RAB8A: variants seen among roughly 807,000 people sequenced by gnomAD.
RAB8A encodes RAB8A, member RAS oncogene family.
RAB8A carries 5 observed loss-of-function variants against 29.2 expected under a neutral mutation model. That is an observed-to-expected ratio of 0.17 (90% CI 0.09 to 0.36). RAB8A has a LOEUF of 0.36. Ranked by LOEUF, RAB8A falls within the 10% of genes least tolerant of loss-of-function variation. RAB8A has a pLI of 1.00. For missense variants in RAB8A, 171 were observed against 272.2 expected (o/e 0.63, Z 2.62); for synonymous variants, 108 against 99.9 (o/e 1.08, Z -0.49).
Position 16,132,544 on chromosome 19 carries a change from G to A in RAB8A, c.*240G>A, listed in dbSNP as rs568968727. The A allele has an allele frequency of 1.0e-4, 54 of 528,322 alleles. No individual in the cohort carries two copies. The highest frequency in any genetic ancestry group is 9.6e-5 in the African/African-American group (5 of 51,930). 32.7% of individuals were successfully genotyped at this position (528,322 alleles called of 1,614,324 possible). A position where few individuals can be genotyped will look rare whatever the true frequency, so the allele number is the denominator to read the frequency against. On this transcript the variant is annotated 3_prime_UTR_variant, in exon 8 of 8. Coordinates refer to ENST00000300935, the MANE Select transcript of RAB8A (RefSeq NM_005370.5). The surrounding 1 kb of genome is among the most constrained non-coding windows in gnomAD (Gnocchi z 5.6). Reference sequence around the variant, plus strand: ...ATTTTTCCTGTAACATCTGCTGAACGGGCCCACCCACACGTTGTATATTCA... The same window carrying A: ...ATTTTTCCTGTAACATCTGCTGAACAGGCCCACCCACACGTTGTATATTCA...
chr19:16,131,747 G>A (rs1171546748), intron 7 of RAB8A, among the ~76,000 whole-genome samples: 1 of 151,416 alleles, frequency 6.6e-6, no homozygotes, highest in East Asian at 1.9e-4. Flanking sequence ...TTGGTTGGAA[G>A]GGATGGATGG....
chr19:16,119,981 T>C (rs2090866635), intron 2 of RAB8A, among the ~76,000 whole-genome samples: 1 of 151,246 alleles, frequency 6.6e-6, no homozygotes, highest in South Asian at 2.1e-4. Flanking sequence ...GCTCGGCTAA[T>C]TTTGTATTTT....
Position 16,121,939 on chromosome 19 carries a change from C to G in RAB8A, c.246+129C>G. The G allele has an allele frequency of 9.4e-6, 8 of 855,366 alleles. No individual in the cohort carries two copies. The South Asian group carries it at 9.5e-5, about 10-fold the overall frequency. The allele number at this position is 855,366 out of a possible 1,614,324, so 53.0% of individuals were successfully genotyped here. On this transcript the variant is annotated intron_variant, in intron 3 of 7. Coordinates refer to ENST00000300935, the MANE Select transcript of RAB8A (RefSeq NM_005370.5). Reference sequence around the variant, plus strand: ...CCCCAACTCCTCAGGGCTCCTTGGTCCCAAGTTAGTCTTAGGAACAGGCTT... The same window carrying G: ...CCCCAACTCCTCAGGGCTCCTTGGTGCCAAGTTAGTCTTAGGAACAGGCTT...
intron 1 of RAB8A, among the ~76,000 whole-genome samples, chr19:16,114,255 G>A (rs895711429): frequency 6.6e-5 from 10 of 151,812 alleles, no homozygotes; most frequent in East Asian, 3.9e-4. Flanking sequence ...GCAACAGAGC[G>A]AGACCCTGTC....
rs889994849 is a variant in RAB8A, at chr19:16,120,456, G to A, written c.186-1294G>A. On this transcript the variant is annotated intron_variant, in intron 2 of 7. Transcript: ENST00000300935. ...GCTTCCCGAGTAGCTGGGATTACAG[G>A]CACCTGCCACCATGCCTGGCTAACT... Among the ~76,000 whole-genome samples the A allele has an allele frequency of 1.3e-4, 19 of 151,306 alleles. 1 individual carries two copies. The highest frequency in any genetic ancestry group is 4.1e-4 in the African/African-American group (17 of 41,170).
intron 1 of RAB8A, among the ~76,000 whole-genome samples, chr19:16,115,152 G>C (rs538104282): frequency 1.2e-3 from 178 of 151,254 alleles, no homozygotes; most frequent in African/African-American, 4.2e-3. Context: ...GCCATACGTG[G>C]TGGCGCTTGC....
In RAB8A at chr19:16,125,128, G is replaced by C. The variant is rs921158419; in HGVS notation, c.247-342G>C. 7 of 407,612 alleles carry C rather than the reference G, an allele frequency of 1.7e-5. No homozygotes were observed. The highest frequency in any genetic ancestry group is 1.4e-4 in the African/African-American group (7 of 49,640). The allele number at this position is 407,612 out of a possible 1,614,324, so 25.2% of individuals were successfully genotyped here. On this transcript the variant is annotated intron_variant, in intron 3 of 7. Coordinates refer to ENST00000300935, the MANE Select transcript of RAB8A (RefSeq NM_005370.5). This position sits in a 1 kb window ranked among gnomAD's most constrained non-coding sequence, Gnocchi z 5.0. The stretch of plus-strand genomic sequence containing the variant: ...GCTGCTGGCAGTGGGCCTGTGGACC[G>C]GCTCCCACCGTCAGGCTGCACCACC...
chr19:16,126,331 C>T (rs1299220318), intron 4 of RAB8A: 1 of 153,424 alleles, frequency 6.5e-6, no homozygotes, highest in Non-Finnish European at 1.5e-5. Context: ...CAGTGCAGGG[C>T]TGCACCCCAG....
intron 2 of RAB8A, among the ~76,000 whole-genome samples, chr19:16,120,029 C>T (rs1411767893): frequency 6.6e-6 from 1 of 151,904 alleles, no homozygotes; most frequent in Admixed American, 6.6e-5. Context: ...GCCAGGTTGG[C>T]TTCGAACCCC....
rs1320432336 is a variant in RAB8A at position 16,132,514 on chromosome 19, T to C, written c.*210T>C. ...TTTGGAGATGGAATAAGTTAAAAAT[T>C]TGCTATTTTTCCTGTAACATCTGCT... On this transcript the variant is annotated 3_prime_UTR_variant, in exon 8 of 8. Transcript: ENST00000300935. The surrounding 1 kb of genome is among the most constrained non-coding windows in gnomAD (Gnocchi z 5.6). The C allele has an allele frequency of 1.7e-6, 1 of 584,114 alleles. No homozygotes were observed. Among genetic ancestry groups the C allele is most frequent in the Non-Finnish European group, 3.0e-6 (1 of 328,372 alleles). The allele number at this position is 584,114 out of a possible 1,614,324, so 36.2% of individuals were successfully genotyped here. A position where few individuals can be genotyped will look rare whatever the true frequency, so the allele number is the denominator to read the frequency against.
At chr19:16,120,499 C>A (rs2090869777) in intron 2 of RAB8A, among the ~76,000 whole-genome samples, 1 of 151,114 alleles carries the variant, frequency 6.6e-6, no homozygotes, top group Non-Finnish European at 1.5e-5. Context: ...TTTTAGTAGA[C>A]AGGGTTTCAC....
chr19:16,112,406 A>G (rs2090828577), intron 1 of RAB8A: 1 of 223,476 alleles, frequency 4.5e-6, no homozygotes, highest in Admixed American at 5.1e-5. Flanking sequence ...GCCATGGGAA[A>G]AAGACAGTGG....
In RAB8A at chr19:16,127,968, C is replaced by T; in HGVS notation, c.415-58C>T. ...CCCTGCCTTCAGCTCCTGTTTTAGG[C>T]AAGCTCAGATGCGCCCGGCGGCTGG... On this transcript the variant is annotated intron_variant, in intron 5 of 7. Transcript: ENST00000300935. This position sits in a 1 kb window ranked among gnomAD's most constrained non-coding sequence, Gnocchi z 4.8. 1 of 1,578,320 alleles carries T rather than the reference C, an allele frequency of 6.3e-7. No homozygotes were observed.
chr19:16,112,854 C>G (rs533323826), intron 1 of RAB8A: 1 of 152,364 alleles, frequency 6.6e-6, no homozygotes, highest in East Asian at 1.9e-4. Context: ...CCCTGCCCAC[C>G]TTTCATCCTG....
At chr19:16,118,017 G>T (rs1054087302) in intron 1 of RAB8A, among the ~76,000 whole-genome samples, 1 of 152,148 alleles carries the variant, frequency 6.6e-6, no homozygotes, top group African/African-American at 2.4e-5. Context: ...CCCTGGGTTT[G>T]CTCTGCACTG....
intron 3 of RAB8A, chr19:16,124,983 G>A: frequency 5.3e-3 from 904 of 170,850 alleles, no homozygotes; most frequent in South Asian, 0.032. Context: ...GAAGTTGTGT[G>A]GATGTCGGGT....
rs750633622 is a variant in RAB8A, at chr19:16,125,621, A to G, written c.324+74A>G. On this transcript the variant is annotated intron_variant, in intron 4 of 7. Transcript: ENST00000300935. This position sits in a 1 kb window ranked among gnomAD's most constrained non-coding sequence, Gnocchi z 5.0. Reference sequence around the variant, plus strand: ...AGAGCCCTCTGGTTTACTCATGAGAAGGCCAAGGTGCAGAGACACATACAG... The same window carrying G: ...AGAGCCCTCTGGTTTACTCATGAGAGGGCCAAGGTGCAGAGACACATACAG... 1 of 1,410,134 alleles carries G rather than the reference A, an allele frequency of 7.1e-7. No homozygotes were observed. Among genetic ancestry groups the G allele is most frequent in the Non-Finnish European group, 9.9e-7 (1 of 1,009,496 alleles). The allele number at this position is 1,410,134 out of a possible 1,614,324, so 87.4% of individuals were successfully genotyped here. A position where few individuals can be genotyped will look rare whatever the true frequency, so the allele number is the denominator to read the frequency against.
chr19:16,117,499 AAAG>A (rs1159264324), intron 1 of RAB8A, among the ~76,000 whole-genome samples: 1 of 151,832 alleles, frequency 6.6e-6, no homozygotes, highest in Non-Finnish European at 1.5e-5. Flanking sequence ...AAAAAAAAAA[AAAG>A]AAAGTAAGTT....
At position 16,127,452 on chromosome 19, in the gene RAB8A, G is replaced by T; in HGVS notation, c.340G>T (p.Val114Phe). 2 of 1,519,532 alleles carry T rather than the reference G, an allele frequency of 1.3e-6. No homozygotes were observed. Among genetic ancestry groups the T allele is most frequent in the South Asian group, 1.3e-5 (1 of 74,526 alleles). The allele number at this position is 1,519,532 out of a possible 1,614,324, so 94.1% of individuals were successfully genotyped here. Residue 114 changes from valine to phenylalanine, a missense_variant, in exon 5 of 8, where the codon GTC (valine) becomes TTC (phenylalanine). This residue lies in a region of RAB8A where 145 missense variants were observed against 212.8 expected (regional missense o/e 0.68). Transcript: ENST00000300935. The surrounding 1 kb of genome is among the most constrained non-coding windows in gnomAD (Gnocchi z 4.8). ...TCCCTCTCAGCACGCCTCTGCAGAC[G>T]TCGAAAAGATGATACTCGGGAACAA... Reference protein sequence around the residue: ...RNIEEHASADVEKMILGNKCD... With the variant: ...RNIEEHASADFEKMILGNKCD...
Sources: allele counts gnomAD v4.1 joint callset (sites outside exome capture counted in the v4.1 genomes callset), GRCh38; gene constraint gnomAD v4.1.1; regional missense constraint gnomAD v4.1.1; non-coding constraint Gnocchi (gnomAD v3.1); transcripts MANE v1.5; gene names NCBI Gene and HGNC (gene_info 2026-07-23, HGNC 2026-07-21).